PHEX: variants seen among roughly 807,000 people sequenced by gnomAD.
PHEX encodes the protein phosphate-regulating neutral endopeptidase PHEX.
A neutral mutation model predicts 68.0 loss-of-function variants in PHEX; 16 were observed. The observed-to-expected ratio is 0.24, with a 90% CI of 0.16 to 0.36. The LOEUF is 0.36. PHEX is among the 10% of genes least tolerant of loss of function. The pLI is 1.00. For missense variants in PHEX, 480 were observed against 575.5 expected, an observed-to-expected ratio of 0.83 and a Z score of 1.70; for synonymous variants, 208 against 205.1, an observed-to-expected ratio of 1.01 and a Z score of -0.12.
intron 12 of PHEX, among the ~76,000 whole-genome samples, chrX:22,153,978 G>C (rs1172957377): frequency 9.0e-6 from 1 of 111,179 alleles, no homozygotes; most frequent in Non-Finnish European, 1.9e-5. Flanking sequence ...TTTATATCAC[G>C]ACTTACAGCT....
intron 17 of PHEX, among the ~76,000 whole-genome samples, chrX:22,219,649 T>G (rs1317468974): frequency 9.0e-6 from 1 of 111,588 alleles, no homozygotes; most frequent in Non-Finnish European, 1.9e-5. Flanking sequence ...AGACGGAGTC[T>G]AGCTCTGTCG....
chrX:22,082,252 T>C lies in PHEX; in HGVS notation c.663+4550T>C, dbSNP rs148368901. Among the ~76,000 whole-genome samples, 550 of 112,305 alleles carry C rather than the reference T, an allele frequency of 4.9e-3. 4 individuals carry two copies. The highest frequency in any genetic ancestry group is 0.017 in the African/African-American group (529 of 30,969). On this transcript the variant is annotated intron_variant, in intron 5 of 21. Transcript: ENST00000379374. Reference sequence around the variant, plus strand: ...ATGGGATTGCTGGGTCAAATGGTAGTTCTGTTTTAAGTTTTTTCAGAAATC... The same window carrying C: ...ATGGGATTGCTGGGTCAAATGGTAGCTCTGTTTTAAGTTTTTTCAGAAATC...
At chrX:22,057,585 G>A (rs971058333) in intron 3 of PHEX, among the ~76,000 whole-genome samples, 2 of 107,490 alleles carry the variant, frequency 1.9e-5, no homozygotes, top group Non-Finnish European at 3.8e-5. Flanking sequence ...AGCGAGACTC[G>A]ATCTCAAAGA....
At chrX:22,092,526 C>T (rs1331452397) in intron 6 of PHEX, among the ~76,000 whole-genome samples, 2 of 109,658 alleles carry the variant, frequency 1.8e-5, no homozygotes, top group African/African-American at 6.6e-5. Context: ...GCATGCACCA[C>T]CATGCCGGGC....
intron 15 of PHEX, among the ~76,000 whole-genome samples, chrX:22,212,222 C>T (rs1174888596): frequency 1.8e-5 from 2 of 111,079 alleles, no homozygotes; most frequent in East Asian, 5.7e-4. Context: ...GAAAGTATGG[C>T]CTCTTAGGGC....
At chrX:22,166,811 C>A (rs964934519) in intron 12 of PHEX, among the ~76,000 whole-genome samples, 3 of 111,240 alleles carry the variant, frequency 2.7e-5, no homozygotes, top group South Asian at 7.5e-4. Flanking sequence ...AACCACCATC[C>A]TACTGTACTC....
At chrX:22,147,777 C>A (rs1026055489) in intron 12 of PHEX, among the ~76,000 whole-genome samples, 11 of 111,537 alleles carry the variant, frequency 9.9e-5, no homozygotes, top group Admixed American at 2.9e-4. Flanking sequence ...GAGGTGCTGA[C>A]AACTTTGCAA....
chrX:22,225,152 C>T (rs1384198278), intron 18 of PHEX, among the ~76,000 whole-genome samples: 1 of 107,344 alleles, frequency 9.3e-6, no homozygotes, highest in Non-Finnish European at 1.9e-5. Context: ...TTTTCAAAGC[C>T]AGCACTGGCC....
At chrX:22,086,342 A>G (rs1929628484) in intron 5 of PHEX, among the ~76,000 whole-genome samples, 1 of 111,605 alleles carries the variant, frequency 9.0e-6, no homozygotes, top group African/African-American at 3.3e-5. Flanking sequence ...CTTCAGAAAT[A>G]TATCTCCCTT....
intron 14 of PHEX, among the ~76,000 whole-genome samples, chrX:22,187,877 T>C (rs2147136745): frequency 8.9e-6 from 1 of 112,140 alleles, no homozygotes; most frequent in East Asian, 2.8e-4. Context: ...ATATAATGCT[T>C]AGGCGAACTG....
At chrX:22,144,214 AT>A (rs981705526) in intron 12 of PHEX, among the ~76,000 whole-genome samples, 11 of 109,751 alleles carry the variant, frequency 1.0e-4, no homozygotes, top group East Asian at 2.9e-4. Flanking sequence ...TGACATGTTC[AT>A]TTTTTTTTCC....
chrX:22,203,629 C>T (rs1401562407), intron 15 of PHEX, among the ~76,000 whole-genome samples: 1 of 111,237 alleles, frequency 9.0e-6, no homozygotes. Flanking sequence ...AGAATGGTGT[C>T]GGGCTTATCT....
chrX:22,058,260 G>A (rs1180013220), intron 3 of PHEX, among the ~76,000 whole-genome samples: 7 of 111,827 alleles, frequency 6.3e-5, no homozygotes, highest in East Asian at 5.6e-4. Context: ...CTGAGCCTCC[G>A]TTTCTTATCT....
chrX:22,119,956 G>T (rs1220063527), intron 11 of PHEX, among the ~76,000 whole-genome samples: 4 of 111,192 alleles, frequency 3.6e-5, no homozygotes, highest in African/African-American at 9.8e-5. Context: ...GCCCCAGGTA[G>T]ATACTCATGT....
intron 11 of PHEX, among the ~76,000 whole-genome samples, chrX:22,118,959 C>T (rs1306942123): frequency 1.8e-5 from 2 of 112,473 alleles, no homozygotes; most frequent in Non-Finnish European, 3.8e-5. Context: ...TCCCTTGCCT[C>T]CCAGTTAGCA....
At position 22,038,246 on chromosome X, in the gene PHEX, G is replaced by A. The variant is rs185214468; in HGVS notation, c.119-223G>A. ...GTCTAGTTATACTCACTTATCTTAC[G>A]TACGAGAGAACTGAGTTTCAAAGCA... On this transcript the variant is annotated intron_variant, in intron 1 of 21. Coordinates refer to ENST00000379374, the MANE Select transcript of PHEX (RefSeq NM_000444.6). Among the ~76,000 whole-genome samples the A allele has an allele frequency of 5.4e-5, 6 of 110,973 alleles. No individual in the cohort carries two copies. The East Asian group carries it at 1.7e-3, about 32-fold the overall frequency.
chrX:22,159,933 C>G (rs754249323), intron 12 of PHEX, among the ~76,000 whole-genome samples: 1 of 112,094 alleles, frequency 8.9e-6, no homozygotes, highest in Non-Finnish European at 1.9e-5. Flanking sequence ...TCAGCTATTG[C>G]TAATACCTTA....
At chrX:22,058,550 G>A (rs1928220417) in intron 3 of PHEX, among the ~76,000 whole-genome samples, 1 of 112,007 alleles carries the variant, frequency 8.9e-6, no homozygotes, top group African/African-American at 3.2e-5. Context: ...GGCAAGGCTG[G>A]AGATAAAAAA....
At chrX:22,155,335 T>G (rs1932928081) in intron 12 of PHEX, among the ~76,000 whole-genome samples, 1 of 112,447 alleles carries the variant, frequency 8.9e-6, no homozygotes. Flanking sequence ...GAGCTAACCT[T>G]AAAGGAAAGA....
Sources: gnomAD v4.1 joint callset for allele counts (sites outside exome capture counted in the v4.1 genomes callset) on GRCh38, gnomAD v4.1.1 for gene constraint, MANE v1.5 for transcripts, NCBI Gene and HGNC (gene_info 2026-07-23, HGNC 2026-07-21) for gene names.